CLRN1: variants seen among roughly 807,000 people sequenced by gnomAD.
CLRN1 encodes the protein clarin 1, also known as clarin-1.
A neutral mutation model predicts 18.7 loss-of-function variants in CLRN1; 15 were observed. That is an observed-to-expected ratio of 0.80 (90% CI 0.54 to 1.23). CLRN1 has a LOEUF of 1.23. Ranked by LOEUF, CLRN1 falls within the 50% of genes most tolerant of loss-of-function variation. CLRN1 has a pLI of 0.00. For synonymous variants in CLRN1, 104 were observed against 102.9 expected (o/e 1.01, Z -0.07); for missense variants, 311 against 277.5 (o/e 1.12, Z -0.86).
chr3:150,929,838 G>C (rs1000599138), intron 2 of CLRN1, among the ~76,000 whole-genome samples: 1 of 152,170 alleles, frequency 6.6e-6, no homozygotes, highest in African/African-American at 2.4e-5. Context: ...CAACACAAAA[G>C]AATGTATTAC....
At chr3:150,968,296 T>G (rs554805154) in intron 1 of CLRN1, among the ~76,000 whole-genome samples, 1 of 152,344 alleles carries the variant, frequency 6.6e-6, no homozygotes, top group Admixed American at 6.5e-5. Context: ...TGGCTACATT[T>G]AGAGTTTAAA....
chr3:150,936,585 C>A (rs1429008713), intron 2 of CLRN1, among the ~76,000 whole-genome samples: 1 of 152,156 alleles, frequency 6.6e-6, no homozygotes, highest in East Asian at 1.9e-4. Context: ...AGAATCCATT[C>A]ATCTTTTTCC....
intron 1 of CLRN1, among the ~76,000 whole-genome samples, chr3:150,965,832 A>G (rs7647641): frequency 0.18 from 27,582 of 152,234 alleles, 2,764 homozygotes; most frequent in East Asian, 0.39. Context: ...TAAAATTATA[A>G]TTCTTGAACA....
rs964493437 is a variant in CLRN1 at position 150,948,335 on chromosome 3, T to A, written c.254-6574A>T. On this transcript the variant is annotated intron_variant, in intron 1 of 2. Coordinates refer to ENST00000327047, the MANE Select transcript of CLRN1 (RefSeq NM_174878.3). Reference sequence around the variant, plus strand: ...CCGTCTCTACTAAAAATACAAAAAATTAGCCGGACGTGGTAGCGGGCGCCT... The same window carrying A: ...CCGTCTCTACTAAAAATACAAAAAAATAGCCGGACGTGGTAGCGGGCGCCT... Among the ~76,000 whole-genome samples, 511 of 151,688 alleles carry A rather than the reference T, an allele frequency of 3.4e-3. 5 individuals are homozygous for A. Among genetic ancestry groups the A allele is most frequent in the Non-Finnish European group, 5.7e-3 (389 of 67,826 alleles).
At chr3:150,944,471 C>T (rs1301725143) in intron 1 of CLRN1, among the ~76,000 whole-genome samples, 2 of 151,314 alleles carry the variant, frequency 1.3e-5, no homozygotes, top group Non-Finnish European at 2.9e-5. Context: ...AGGCTATTTT[C>T]AGAGGGGAGA....
intron 2 of CLRN1, chr3:150,940,626 T>C (rs1452925539): frequency 4.8e-5 from 52 of 1,089,558 alleles, no homozygotes; most frequent in Non-Finnish European, 6.4e-5. Context: ...ATAAAATTAC[T>C]TGCCTCCCAG....
chr3:150,942,988 C>T (rs933478658), intron 1 of CLRN1, among the ~76,000 whole-genome samples: 2 of 152,162 alleles, frequency 1.3e-5, no homozygotes, highest in Non-Finnish European at 2.9e-5. Context: ...ACCAGACACA[C>T]AAGGGAAGAA....
At chr3:150,932,640 A>C (rs1713221229) in intron 2 of CLRN1, among the ~76,000 whole-genome samples, 1 of 152,204 alleles carries the variant, frequency 6.6e-6, no homozygotes, top group African/African-American at 2.4e-5. Context: ...TAGGTGTGGG[A>C]AAGCCACAAC....
chr3:150,963,117 T>G (rs138965050), intron 1 of CLRN1, among the ~76,000 whole-genome samples: 1,802 of 152,256 alleles, frequency 0.012, 17 homozygotes, highest in Middle Eastern at 0.02. Flanking sequence ...AGAGAGGAAG[T>G]CAAATTGTCT....
intron 1 of CLRN1, chr3:150,945,438 C>A (rs1714112051): frequency 1.7e-6 from 2 of 1,156,134 alleles, no homozygotes; most frequent in South Asian, 2.8e-5. Flanking sequence ...TGACCACATG[C>A]TGGAAGGGGG....
chr3:150,965,555 G>A lies in CLRN1; in HGVS notation c.253+6901C>T, dbSNP rs901202849. ...TTTTTTTCTTCTGAGAAGTCTGAAA[G>A]TCCTTGGGGAAGATGAGTCACCTTC... is the stretch of plus-strand genomic sequence containing the variant. On this transcript the variant is annotated intron_variant, in intron 1 of 2. Transcript: ENST00000327047. 2.6e-5 allele frequency among the ~76,000 whole-genome samples: 4 copies of A among 152,148 alleles called. No homozygotes were observed. The East Asian group carries it at 5.8e-4, about 22-fold the overall frequency.
rs55953282 is a variant in CLRN1, at chr3:150,942,132, A to G, written c.254-371T>C. On this transcript the variant is annotated intron_variant, in intron 1 of 2. Transcript: ENST00000327047. ...AAAATTTATCTTAACTTGCAATGAT[A>G]TTTTAAGTTTGGAGATATCTGGGGA... is the stretch of plus-strand genomic sequence containing the variant. Among the ~76,000 whole-genome samples the G allele has an allele frequency of 7.6e-3, 1,153 of 152,286 alleles. 6 individuals carry two copies. The highest frequency in any genetic ancestry group is 0.011 in the Non-Finnish European group (745 of 68,018).
chr3:150,950,068 T>C (rs1714402571), intron 1 of CLRN1, among the ~76,000 whole-genome samples: 2 of 152,138 alleles, frequency 1.3e-5, no homozygotes, highest in Non-Finnish European at 2.9e-5. Context: ...GAGGAGATAC[T>C]CCTTACTCAA....
At chr3:150,938,154 G>T (rs1228908104) in intron 2 of CLRN1, among the ~76,000 whole-genome samples, 1 of 152,180 alleles carries the variant, frequency 6.6e-6, no homozygotes, top group African/African-American at 2.4e-5. Context: ...GTCCAAGGAG[G>T]AAAGCATTTT....
At chr3:150,964,092 C>T (rs906493906) in intron 1 of CLRN1, among the ~76,000 whole-genome samples, 6 of 152,100 alleles carry the variant, frequency 3.9e-5, no homozygotes, top group Admixed American at 6.6e-5. Context: ...AAAACTTCTG[C>T]GCAGCAAAAG....
intron 1 of CLRN1, among the ~76,000 whole-genome samples, chr3:150,952,289 A>G (rs1273943589): frequency 6.6e-6 from 1 of 152,042 alleles, no homozygotes; most frequent in African/African-American, 2.4e-5. Flanking sequence ...GCGATAAGAA[A>G]CTCTCAATGC....
chr3:150,952,228 G>C (rs1450190227), intron 1 of CLRN1, among the ~76,000 whole-genome samples: 1 of 152,180 alleles, frequency 6.6e-6, no homozygotes, highest in Admixed American at 6.5e-5. Flanking sequence ...GCATTCGGTA[G>C]AAACCGCACT....
chr3:150,958,095 T>C (rs1260302274), intron 1 of CLRN1, among the ~76,000 whole-genome samples: 2 of 152,196 alleles, frequency 1.3e-5, no homozygotes, highest in Admixed American at 6.5e-5. Flanking sequence ...TACAAATTGG[T>C]GTAACTGATG....
intron 1 of CLRN1, among the ~76,000 whole-genome samples, chr3:150,947,399 T>C (rs891748141): frequency 6.6e-6 from 1 of 152,134 alleles, no homozygotes; most frequent in Non-Finnish European, 1.5e-5. Context: ...AGCACCCAGA[T>C]TCATAAAGCA....
Sources: gnomAD v4.1 joint callset for allele counts (sites outside exome capture counted in the v4.1 genomes callset) on GRCh38, gnomAD v4.1.1 for gene constraint, MANE v1.5 for transcripts, NCBI Gene and HGNC (gene_info 2026-07-23, HGNC 2026-07-21) for gene names.